ATP6V1D: variants seen among roughly 807,000 people sequenced by gnomAD.
ATP6V1D encodes V-type proton ATPase subunit D.
Under a neutral mutation model 39.4 loss-of-function variants are expected in ATP6V1D, and 20 were observed. That is an observed-to-expected ratio of 0.51 (90% CI 0.36 to 0.74). ATP6V1D has a LOEUF of 0.74. ATP6V1D is among the 30% of genes least tolerant of loss of function. The pLI, the probability that ATP6V1D is intolerant of heterozygous loss-of-function variation, is 0.00. For synonymous variants in ATP6V1D, 100 were observed against 100.5 expected (o/e 0.99, Z 0.03); for missense variants, 228 against 291.6 (o/e 0.78, Z 1.59).
At chr14:67,348,175 A>T (rs1042334919) in intron 4 of ATP6V1D, among the ~76,000 whole-genome samples, 1 of 151,974 alleles carries the variant, frequency 6.6e-6, no homozygotes, top group African/African-American at 2.4e-5. Flanking sequence ...CCTGGGTCCA[A>T]GTGAGTCTCC....
intron 1 of ATP6V1D, among the ~76,000 whole-genome samples, chr14:67,354,769 A>T (rs2085674664): frequency 6.6e-6 from 1 of 152,168 alleles, no homozygotes; most frequent in African/African-American, 2.4e-5. Flanking sequence ...CTGGATGAAA[A>T]ATATGGATTT....
chr14:67,346,809 A>G (rs550488173), intron 5 of ATP6V1D, among the ~76,000 whole-genome samples: 20 of 152,238 alleles, frequency 1.3e-4, no homozygotes, highest in Non-Finnish European at 2.2e-4. Context: ...ACTGGGAATT[A>G]TAAGCAGTGC....
intron 8 of ATP6V1D, among the ~76,000 whole-genome samples, chr14:67,339,514 C>T (rs1454192575): frequency 6.6e-6 from 1 of 152,108 alleles, no homozygotes; most frequent in Non-Finnish European, 1.5e-5. Context: ...CCCTCACCTA[C>T]CTCCCATTTC....
At chr14:67,353,067 C>T (rs757310333) in intron 1 of ATP6V1D, 27 bp from the exon 2 acceptor site, 2 of 1,528,950 alleles carry the variant, frequency 1.3e-6, no homozygotes, top group Non-Finnish European at 8.9e-7. Context: ...AAAGTTAAGA[C>T]ATCTATTCTC....
intron 4 of ATP6V1D, 67 bp downstream of exon 4, chr14:67,348,970 A>G: frequency 6.8e-7 from 1 of 1,459,912 alleles, no homozygotes; most frequent in Non-Finnish European, 9.6e-7. Flanking sequence ...CTTGCTGTAT[A>G]AACAGGTTAA....
At position 67,347,399 on chromosome 14, in the gene ATP6V1D, T is replaced by G. The variant is rs1230572516; in HGVS notation, c.352+10A>C. ...GAGACACAAAGTAATACAAAAAGTT[T>G]CACACTTACTGTCAGTTCCTTCATG... On this transcript the variant is annotated intron_variant, in intron 5 of 8. Coordinates refer to ENST00000216442, the MANE Select transcript of ATP6V1D (RefSeq NM_015994.4). 3 of 1,595,210 alleles carry G rather than the reference T, an allele frequency of 1.9e-6. No homozygotes were observed. In the Admixed American group the frequency reaches 5.1e-5, roughly 27 times the overall value.
At chr14:67,351,544 T>C (rs1323434601) in intron 2 of ATP6V1D, among the ~76,000 whole-genome samples, 1 of 152,234 alleles carries the variant, frequency 6.6e-6, no homozygotes, top group African/African-American at 2.4e-5. Context: ...GGTCTTACTT[T>C]GTTGCCTGGG....
At chr14:67,355,803 G>C (rs1237846725) in intron 1 of ATP6V1D, among the ~76,000 whole-genome samples, 1 of 151,684 alleles carries the variant, frequency 6.6e-6, no homozygotes, top group East Asian at 1.9e-4. Context: ...GACCAGCCTG[G>C]GAAACAAGGT....
intron 7 of ATP6V1D, among the ~76,000 whole-genome samples, chr14:67,341,312 T>C (rs2085580208): frequency 6.6e-6 from 1 of 151,830 alleles, no homozygotes; most frequent in Admixed American, 6.6e-5. Flanking sequence ...GAGGAGCGTC[T>C]CTGCCCGGCC....
chr14:67,351,639 G>C (rs1482836818), intron 2 of ATP6V1D, among the ~76,000 whole-genome samples: 1 of 152,014 alleles, frequency 6.6e-6, no homozygotes, highest in East Asian at 1.9e-4. Context: ...CTCCCAAGTA[G>C]CTGGGACTAC....
intron 1 of ATP6V1D, among the ~76,000 whole-genome samples, chr14:67,353,292 G>C (rs1157898356): frequency 6.6e-6 from 1 of 152,124 alleles, no homozygotes; most frequent in Non-Finnish European, 1.5e-5. Context: ...GGGTCATCTG[G>C]GATCTGCCCT....
chr14:67,339,524 C>A (rs1268962613), intron 8 of ATP6V1D, among the ~76,000 whole-genome samples: 1 of 152,160 alleles, frequency 6.6e-6, no homozygotes, highest in African/African-American at 2.4e-5. Context: ...CCTCCCATTT[C>A]TCTGAACCGA....
At chr14:67,340,246 G>A (rs2085569576) in intron 8 of ATP6V1D, 194 bp downstream of exon 8, 2 of 533,680 alleles carry the variant, frequency 3.7e-6, no homozygotes, top group African/African-American at 1.9e-5. Context: ...GAAATGCCAT[G>A]TTATAGGTAC....
chr14:67,353,410 T>C (rs901022271), intron 1 of ATP6V1D, among the ~76,000 whole-genome samples: 5 of 152,112 alleles, frequency 3.3e-5, no homozygotes, highest in Non-Finnish European at 5.9e-5. Flanking sequence ...CAGCTACAGG[T>C]GTAAGTGGGA....
At chr14:67,350,773 C>T in intron 2 of ATP6V1D, 83 bp from the exon 3 acceptor site, 1 of 1,320,920 alleles carries the variant, frequency 7.6e-7, no homozygotes, top group South Asian at 1.3e-5. Flanking sequence ...CTTTAATAAC[C>T]ATCAGTATTT....
chr14:67,356,235 CATAGTG>C (rs1595639028), intron 1 of ATP6V1D, among the ~76,000 whole-genome samples: 1 of 152,016 alleles, frequency 6.6e-6, no homozygotes, highest in East Asian at 1.9e-4. Context: ...CCCTGGCCAA[CATAGTG>C]AAACCCCATC....
rs771874211 is a variant in ATP6V1D at position 67,352,994 on chromosome 14, G to C, written c.88C>G (p.Arg30Gly). The C allele has an allele frequency of 6.2e-7, 1 of 1,613,816 alleles. No individual in the cohort carries two copies. Among genetic ancestry groups the C allele is most frequent in the African/African-American group, 1.3e-5 (1 of 74,878 alleles). ...KARLKGAQTG[R>G]NLLKKKSDAL... The stretch of plus-strand genomic sequence containing the variant: ...TCAGATTTTTTCTTCAGGAGGTTTC[G>C]ACCTGTCTGTGCTCCCTTTAAACGA... The change falls in exon 2 of 9, where the codon CGA becomes GGA. Residue 30 changes from arginine to glycine, a missense_variant. Transcript: ENST00000216442.
chr14:67,341,550 C>T (rs983569037), intron 7 of ATP6V1D, among the ~76,000 whole-genome samples: 10 of 151,046 alleles, frequency 6.6e-5, no homozygotes, highest in East Asian at 5.9e-4. Flanking sequence ...CCGCCCCGTC[C>T]GGGAGGGAGG....
intron 7 of ATP6V1D, among the ~76,000 whole-genome samples, chr14:67,341,327 C>A (rs1361853618): frequency 6.6e-6 from 1 of 151,974 alleles, no homozygotes; most frequent in Non-Finnish European, 1.5e-5. Flanking sequence ...CCGGCCACCC[C>A]GTCTGAGAAG....
Sources: allele counts gnomAD v4.1 joint callset (sites outside exome capture counted in the v4.1 genomes callset), GRCh38; gene constraint gnomAD v4.1.1; transcripts MANE v1.5; gene names NCBI Gene and HGNC (gene_info 2026-07-23, HGNC 2026-07-21).